The following FTO variants were observed in gnomAD, a reference collection of about 807,000 sequenced individuals.
FTO encodes alpha-ketoglutarate-dependent dioxygenase FTO.
Under a neutral mutation model 63.9 loss-of-function variants are expected in FTO, and 47 were observed. The observed-to-expected ratio is 0.74, with a 90% CI of 0.58 to 0.94. The LOEUF (loss-of-function observed/expected upper bound fraction) is 0.94. Among genes scored for constraint, FTO ranks in the 40% least tolerant of loss-of-function variants. The probability of loss-of-function intolerance (pLI) is 0.00; values close to 1 mark genes in which losing one functional copy is unlikely to be tolerated. For synonymous variants in FTO, 207 were observed against 224.4 expected (o/e 0.92, Z 0.69); for missense variants, 562 against 618.1 (o/e 0.91, Z 0.96).
intron 1 of FTO, among the ~76,000 whole-genome samples, chr16:53,760,103 T>G (rs2077020848): frequency 6.6e-6 from 1 of 152,176 alleles, no homozygotes; most frequent in African/African-American, 2.4e-5. Flanking sequence ...TCCTGGTTAT[T>G]GTATTCCTGA....
rs534038052 is a variant in FTO at position 53,778,103 on chromosome 16, C to T, written c.46-32037C>T. 2.6e-5 allele frequency among the ~76,000 whole-genome samples: 4 copies of T among 152,268 alleles called. No individual in the cohort carries two copies. The South Asian group carries it at 6.2e-4, about 24-fold the overall frequency. On this transcript the variant is annotated intron_variant, in intron 1 of 8. Coordinates refer to ENST00000471389, the MANE Select transcript of FTO (RefSeq NM_001080432.3). ...ATAATTTTTCCTGCTTCACCAAGGA[C>T]ATGCTTAAGTGAAACTAACTTCCTT...
At chr16:53,817,846 A>G (rs986424239) in intron 2 of FTO, among the ~76,000 whole-genome samples, 1 of 152,210 alleles carries the variant, frequency 6.6e-6, no homozygotes, top group Non-Finnish European at 1.5e-5. Context: ...TTTTATATCT[A>G]AAATACCTTT....
At chr16:54,017,446 A>AGCAT (rs3039637) in intron 8 of FTO, among the ~76,000 whole-genome samples, 19,622 of 152,136 alleles carry the variant, frequency 0.13, 1,601 homozygotes, top group Admixed American at 0.26. Flanking sequence ...CATTAGAAGG[A>AGCAT]GCATCTATGT....
At chr16:53,774,458 TTCTGCATCTGTGTAGATAG>T (rs1432135747) in intron 1 of FTO, among the ~76,000 whole-genome samples, 1 of 152,200 alleles carries the variant, frequency 6.6e-6, no homozygotes, top group Non-Finnish European at 1.5e-5. Context: ...GGGCTCAGAC[TTCTGCATCTGTGTAGATAG>T]TACCTATTTT....
chr16:53,717,804 T>C (rs2075930751), intron 1 of FTO, among the ~76,000 whole-genome samples: 1 of 152,148 alleles, frequency 6.6e-6, no homozygotes, highest in Admixed American at 6.5e-5. Flanking sequence ...ATTTATTGAC[T>C]TATCTTTTAC....
intron 1 of FTO, among the ~76,000 whole-genome samples, chr16:53,753,042 C>G (rs1455613871): frequency 6.6e-6 from 1 of 151,500 alleles, no homozygotes; most frequent in Non-Finnish European, 1.5e-5. Flanking sequence ...AAGTGGATCA[C>G]TTGAGCCCAG....
intron 8 of FTO, among the ~76,000 whole-genome samples, chr16:53,944,160 G>A (rs2082602886): frequency 6.6e-6 from 1 of 152,184 alleles, no homozygotes. Context: ...TACCTGGTAT[G>A]AGGAGCTATC....
intron 1 of FTO, chr16:53,711,269 C>A (rs553791859): frequency 8.0e-5 from 31 of 388,562 alleles, no homozygotes; most frequent in Admixed American, 6.2e-4. Context: ...TAACTTATTT[C>A]CCATGCAGCC....
At chr16:54,078,037 C>A (rs1018413947) in intron 8 of FTO, among the ~76,000 whole-genome samples, 1 of 152,038 alleles carries the variant, frequency 6.6e-6, no homozygotes, top group African/African-American at 2.4e-5. Flanking sequence ...CACTGTCTGT[C>A]GAAAAACTTC....
chr16:54,004,985 G>A (rs535578041), intron 8 of FTO, among the ~76,000 whole-genome samples: 2 of 151,294 alleles, frequency 1.3e-5, no homozygotes, highest in East Asian at 3.9e-4. Flanking sequence ...CAGGAGAATG[G>A]TGTGAACCTG....
intron 8 of FTO, among the ~76,000 whole-genome samples, chr16:54,026,043 C>G (rs1213834052): frequency 6.6e-6 from 1 of 152,054 alleles, no homozygotes; most frequent in Admixed American, 6.6e-5. Context: ...TTTTATTAGT[C>G]AGCACAACAT....
chr16:53,885,282 A>T (rs1412901313), intron 6 of FTO, among the ~76,000 whole-genome samples: 1 of 152,136 alleles, frequency 6.6e-6, no homozygotes, highest in Non-Finnish European at 1.5e-5. Context: ...AGAGTCAGCT[A>T]CTTCTTTCTC....
In FTO at chr16:53,754,289, T is replaced by A. The variant is rs75494645; in HGVS notation, c.45+50060T>A. 3.3e-5 allele frequency among the ~76,000 whole-genome samples: 5 copies of A among 152,356 alleles called. No homozygotes were observed. In the East Asian group the frequency reaches 9.7e-4, roughly 29 times the overall value. On this transcript the variant is annotated intron_variant, in intron 1 of 8. Transcript: ENST00000471389. Reference sequence around the variant, plus strand: ...TTACAAAGCTACTTAATTACAGAGCTGAATTTGGAATTTAGAATTCCAGGT... The same window carrying A: ...TTACAAAGCTACTTAATTACAGAGCAGAATTTGGAATTTAGAATTCCAGGT...
At chr16:54,040,941 C>G (rs1399981634) in intron 8 of FTO, among the ~76,000 whole-genome samples, 1 of 152,154 alleles carries the variant, frequency 6.6e-6, no homozygotes, top group South Asian at 2.1e-4. Flanking sequence ...GAGGCTTCTC[C>G]CCATTTTATT....
chr16:54,108,586 ACT>A (rs1428556169), intron 8 of FTO, among the ~76,000 whole-genome samples: 1 of 152,008 alleles, frequency 6.6e-6, no homozygotes, highest in African/African-American at 2.4e-5. Flanking sequence ...ATAACAGGCA[ACT>A]CTCTCATTGG....
chr16:54,022,182 G>C (rs1362312240), intron 8 of FTO, among the ~76,000 whole-genome samples: 1 of 152,158 alleles, frequency 6.6e-6, no homozygotes, highest in East Asian at 1.9e-4. Context: ...GTCTACAGTT[G>C]AGAGCAGTTT....
intron 8 of FTO, among the ~76,000 whole-genome samples, chr16:54,012,723 A>G (rs1307744230): frequency 2.6e-5 from 4 of 152,242 alleles, no homozygotes; most frequent in African/African-American, 9.6e-5. Context: ...TGCTAAATCT[A>G]TTCTGCCTGT....
At chr16:53,956,651 CT>C (rs556770219) in intron 8 of FTO, 217 of 141,316 alleles carry the variant, frequency 1.5e-3, no homozygotes, top group East Asian at 5.4e-3. Context: ...CTAAATTTTC[CT>C]TTTTTTTTTT....
chr16:54,108,506 G>A (rs2086806022), intron 8 of FTO, among the ~76,000 whole-genome samples: 1 of 152,116 alleles, frequency 6.6e-6, no homozygotes, highest in Admixed American at 6.6e-5. Flanking sequence ...TATCCCCAGA[G>A]CTTCCCCTAG....
Sources: allele counts gnomAD v4.1 joint callset (sites outside exome capture counted in the v4.1 genomes callset), GRCh38; gene constraint gnomAD v4.1.1; transcripts MANE v1.5; gene names NCBI Gene and HGNC (gene_info 2026-07-23, HGNC 2026-07-21).